Variants in KCNQ2 observed in about 807,000 individuals in gnomAD.
KCNQ2 encodes potassium voltage-gated channel subfamily Q member 2, also known as potassium voltage-gated channel subfamily KQT member 2.
In KCNQ2, 14 loss-of-function variants were observed where a neutral mutation model predicts 84.8. The observed-to-expected ratio is 0.17, with a 90% CI of 0.11 to 0.26. KCNQ2 has a LOEUF of 0.26. Among genes scored for constraint, KCNQ2 ranks in the 10% least tolerant of loss-of-function variants. The pLI is 1.00. For missense variants in KCNQ2, 788 were observed against 1,254.0 expected (o/e 0.63, Z 5.61); for synonymous variants, 599 against 554.1 (o/e 1.08, Z -1.14).
In KCNQ2 at chr20:63,406,324, C is replaced by G. The variant is rs1453787447; in HGVS notation, c.*320G>C. The G allele has an allele frequency of 1.5e-5, 5 of 338,950 alleles. 1 individual carries two copies. Among genetic ancestry groups the G allele is most frequent in the Non-Finnish European group, 2.2e-5 (4 of 182,924 alleles). 21.0% of individuals were successfully genotyped at this position (338,950 alleles called of 1,614,324 possible). A position where few individuals can be genotyped will look rare whatever the true frequency, so the allele number is the denominator to read the frequency against. ...TGTTGCCACGCTGGCAACACCCCGT[C>G]ATCACTCCCGCCCCTCCTCACACCG... On this transcript the variant is annotated 3_prime_UTR_variant, in exon 17 of 17. Transcript: ENST00000359125.
rs930097431 is a variant in KCNQ2, at chr20:63,406,366, G to C, written c.*278C>G. 2.3e-6 allele frequency: 1 copy of C among 438,502 alleles called. No individual in the cohort carries two copies. The highest frequency in any genetic ancestry group is 3.8e-5 in the Admixed American group (1 of 26,180). The allele number at this position is 438,502 out of a possible 1,614,324, so 27.2% of individuals were successfully genotyped here. ...CTCACACCGGGCTGATGTCGGCCGC[G>C]GCCCTGAGCAGAGTGGACAGGGCAG... On this transcript the variant is annotated 3_prime_UTR_variant, in exon 17 of 17. Coordinates refer to ENST00000359125, the MANE Select transcript of KCNQ2 (RefSeq NM_172107.4).
At chr20:63,431,166 G>A (rs1036843560) in intron 9 of KCNQ2, among the ~76,000 whole-genome samples, 174 bp downstream of exon 9, 18 of 151,978 alleles carry the variant, frequency 1.2e-4, no homozygotes, top group East Asian at 5.8e-4. Context: ...TGATCTGGCC[G>A]CCCAGCATGG....
At chr20:63,412,030 C>T in intron 15 of KCNQ2, 1 of 589,952 alleles carries the variant, frequency 1.7e-6, no homozygotes, top group Non-Finnish European at 3.0e-6. Flanking sequence ...TGGACGCCGC[C>T]TCGCTGGACC....
At chr20:63,465,964 G>C (rs1458941699) in intron 1 of KCNQ2, among the ~76,000 whole-genome samples, 1 of 152,158 alleles carries the variant, frequency 6.6e-6, no homozygotes, top group Non-Finnish European at 1.5e-5. Context: ...CGGCCCGGCG[G>C]GTTCTCTGGC....
In KCNQ2 at chr20:63,406,717, C is replaced by A. The variant is rs768731672; in HGVS notation, c.2546G>T (p.Cys849Phe). The A allele has an allele frequency of 2.5e-6, 4 of 1,605,616 alleles. No individual in the cohort carries two copies. In the Admixed American group the frequency reaches 6.8e-5, roughly 27 times the overall value. ...SDTDSDLCTP[C>F]GPPPRSATGE... is the part of the protein sequence containing the mutation. ...GGTGGCCGAGCGTGGCGGGGGCCCG[C>A]ACGGGGTACAGAGGTCGGAGTCGGT... The change falls in exon 17 of 17, where the codon TGC (cysteine) becomes TTC (phenylalanine). Residue 849 changes from cysteine to phenylalanine, a missense_variant. This residue lies in a region of KCNQ2 where 378 missense variants were observed against 434.5 expected (regional missense o/e 0.87). Transcript: ENST00000359125.
chr20:63,472,107 G>A lies in KCNQ2; in HGVS notation c.296+61C>T, dbSNP rs549069707. On this transcript the variant is annotated intron_variant, in intron 1 of 16. Transcript: ENST00000359125. ...CGCAGCCAGCCTGGCCGGGGTCGCC[G>A]ATGGGGTCGCCGATGGGGGTCGCCA... 8.6e-6 allele frequency: 11 copies of A among 1,278,772 alleles called. No homozygotes were observed. The African/African-American group carries it at 9.4e-5, about 11-fold the overall frequency. The allele number at this position is 1,278,772 out of a possible 1,614,324, so 79.2% of individuals were successfully genotyped here.
rs1408546667 is a variant in KCNQ2, at chr20:63,414,594, T to C, written c.1525+309A>G. Among the ~76,000 whole-genome samples the C allele has an allele frequency of 6.6e-6, 1 of 151,976 alleles. No homozygotes were observed. Among genetic ancestry groups the C allele is most frequent in the Non-Finnish European group, 1.5e-5 (1 of 68,000 alleles). On this transcript the variant is annotated intron_variant, in intron 13 of 16. Transcript: ENST00000359125. This position sits in a 1 kb window ranked among gnomAD's most constrained non-coding sequence, Gnocchi z 6.6. Reference sequence around the variant, plus strand: ...GCCCAAGAGCAGCGGGTGCTGGGGCTGAGGCGGGGAATGGGGTGACTACTG... The same window carrying C: ...GCCCAAGAGCAGCGGGTGCTGGGGCCGAGGCGGGGAATGGGGTGACTACTG...
Position 63,418,372 on chromosome 20 carries a change from T to C in KCNQ2, c.1301+1247A>G, listed in dbSNP as rs868600090. 1.4e-3 allele frequency among the ~76,000 whole-genome samples: 219 copies of C among 151,994 alleles called. 1 individual carries two copies. The highest frequency in any genetic ancestry group is 4.2e-3 in the African/African-American group (175 of 41,454). ...GGCCTGCCACCCTCCCTCCCAATGG[T>C]GAAATTCAGATGTGCGGTGCCCGCA... On this transcript the variant is annotated intron_variant, in intron 12 of 16. Coordinates refer to ENST00000359125, the MANE Select transcript of KCNQ2 (RefSeq NM_172107.4).
At chr20:63,410,457 C>T (rs2080088882) in intron 15 of KCNQ2, among the ~76,000 whole-genome samples, 1 of 152,214 alleles carries the variant, frequency 6.6e-6, no homozygotes, top group East Asian at 1.9e-4. Context: ...TGCACGTCTC[C>T]TAGCCACAAG....
intron 7 of KCNQ2, among the ~76,000 whole-genome samples, chr20:63,435,992 T>TC (rs1278389850): frequency 2.0e-5 from 3 of 151,808 alleles, no homozygotes; most frequent in African/African-American, 7.3e-5. Flanking sequence ...TTTCTTTTTT[T>TC]TTTTTTTTGG....
At chr20:63,467,474 G>A (rs1190996516) in intron 1 of KCNQ2, among the ~76,000 whole-genome samples, 1 of 152,014 alleles carries the variant, frequency 6.6e-6, no homozygotes, top group Non-Finnish European at 1.5e-5. Context: ...CTCTACGGCT[G>A]TGGAATGTCA....
rs923255139 is a variant in KCNQ2, at chr20:63,438,099, T to C, written c.1023+526A>G. 12 of 173,640 alleles carry C rather than the reference T, an allele frequency of 6.9e-5. No individual in the cohort carries two copies. Among genetic ancestry groups the C allele is most frequent in the Admixed American group, 5.0e-4 (9 of 18,012 alleles). The allele number at this position is 173,640 out of a possible 1,614,324, so 10.8% of individuals were successfully genotyped here. A position where few individuals can be genotyped will look rare whatever the true frequency, so the allele number is the denominator to read the frequency against. On this transcript the variant is annotated intron_variant, in intron 7 of 16. Transcript: ENST00000359125. This position sits in a 1 kb window ranked among gnomAD's most constrained non-coding sequence, Gnocchi z 5.1. ...CTGGGATTGCAGGCGTGAGCCACTG[T>C]GCCCGGCCATTGTCTGTCCGTATTT...
In KCNQ2 at chr20:63,414,764, T is replaced by G. The variant is rs1323062026; in HGVS notation, c.1525+139A>C. Reference sequence around the variant, plus strand: ...AATTTTAGGTTGCACAAGTCTCACCTCAATTTTAGAAAGGATAGGGGGTTC... The same window carrying G: ...AATTTTAGGTTGCACAAGTCTCACCGCAATTTTAGAAAGGATAGGGGGTTC... On this transcript the variant is annotated intron_variant, in intron 13 of 16. Coordinates refer to ENST00000359125, the MANE Select transcript of KCNQ2 (RefSeq NM_172107.4). This position sits in a 1 kb window ranked among gnomAD's most constrained non-coding sequence, Gnocchi z 6.6. 1.2e-6 allele frequency: 1 copy of G among 811,202 alleles called. No homozygotes were observed. The highest frequency in any genetic ancestry group is 2.1e-6 in the Non-Finnish European group (1 of 476,014). The allele number at this position is 811,202 out of a possible 1,614,324, so 50.3% of individuals were successfully genotyped here. A position where few individuals can be genotyped will look rare whatever the true frequency, so the allele number is the denominator to read the frequency against.
intron 12 of KCNQ2, 54 bp downstream of exon 12, chr20:63,419,564 AG>A: frequency 6.5e-7 from 1 of 1,537,808 alleles, no homozygotes; most frequent in Non-Finnish European, 8.9e-7. Context: ...GTAAGCAGGG[AG>A]GGGCAGAGGA....
At chr20:63,436,329 A>C (rs1387105337) in intron 7 of KCNQ2, among the ~76,000 whole-genome samples, 2 of 152,214 alleles carry the variant, frequency 1.3e-5, no homozygotes, top group Non-Finnish European at 2.9e-5. Flanking sequence ...CAGGAGATCG[A>C]GACCATCCTG....
intron 7 of KCNQ2, 40 bp from the exon 8 acceptor site, chr20:63,433,943 G>A (rs777078826): frequency 5.0e-6 from 8 of 1,584,424 alleles, no homozygotes; most frequent in South Asian, 1.1e-5. Context: ...AGGGGCAGGC[G>A]GCGAGGGGCG....
intron 1 of KCNQ2, among the ~76,000 whole-genome samples, chr20:63,464,749 G>A (rs892699702): frequency 1.3e-5 from 2 of 152,194 alleles, no homozygotes; most frequent in Non-Finnish European, 2.9e-5. Context: ...GGGCCCTGCT[G>A]ACTTAGAAAC....
Position 63,419,630 on chromosome 20 carries a change from G to A in KCNQ2, c.1290C>T (p.Pro430=), listed in dbSNP as rs951436020. ...PCRGPLCGCC[P]GRSSQKVSLK... ...GTGTTCCGCGGTACCTAGAGCGTCC[G>A]GGGCAGCATCCACACAGGGGCCCTC... is the stretch of plus-strand genomic sequence containing the variant. Residue 430 remains proline (P), a synonymous_variant, in exon 12 of 17, where the codon CCC becomes CCT. Transcript: ENST00000359125. 2.4e-5 allele frequency: 39 copies of A among 1,611,084 alleles called. No individual in the cohort carries two copies. Among genetic ancestry groups the A allele is most frequent in the South Asian group, 4.4e-5 (4 of 90,336 alleles).
intron 15 of KCNQ2, chr20:63,410,897 C>T (rs2080101375): frequency 2.5e-6 from 1 of 403,024 alleles, no homozygotes; most frequent in Admixed American, 2.9e-5. Flanking sequence ...GGCCTCCGCC[C>T]CAGGGGCTCT....
Sources: gnomAD v4.1 joint callset for allele counts (sites outside exome capture counted in the v4.1 genomes callset) on GRCh38, gnomAD v4.1.1 for gene constraint, gnomAD v4.1.1 regional missense constraint, Gnocchi (gnomAD v3.1) non-coding constraint, MANE v1.5 for transcripts, NCBI Gene and HGNC (gene_info 2026-07-23, HGNC 2026-07-21) for gene names.